Variants in DSCAM observed in about 807,000 individuals in gnomAD.
The protein encoded by DSCAM is DS cell adhesion molecule.
DSCAM carries 47 observed loss-of-function variants against 217.7 expected under a neutral mutation model. The observed-to-expected ratio is 0.22, with a 90% confidence interval of 0.17 to 0.28. DSCAM has a LOEUF of 0.28. Ranked by LOEUF, DSCAM falls within the 10% of genes least tolerant of loss-of-function variation. DSCAM has a pLI of 1.00. For missense variants in DSCAM, 2,080 were observed against 2,618.3 expected (o/e 0.79, Z 4.49); for synonymous variants, 1,056 against 1,015.3 (o/e 1.04, Z -0.76).
intron 11 of DSCAM, among the ~76,000 whole-genome samples, chr21:40,196,359 C>T (rs981858941): frequency 7.2e-5 from 11 of 152,168 alleles, no homozygotes; most frequent in African/African-American, 2.7e-4. Flanking sequence ...ATCACGGGCT[C>T]TCAACCTGGC....
chr21:40,584,662 C>T (rs1438625329), intron 3 of DSCAM, among the ~76,000 whole-genome samples: 1 of 152,134 alleles, frequency 6.6e-6, no homozygotes, highest in African/African-American at 2.4e-5. Flanking sequence ...TGGCAGCTCC[C>T]TGGAAGCCCT....
chr21:40,392,624 G>A (rs2075144120), intron 3 of DSCAM, among the ~76,000 whole-genome samples: 1 of 152,186 alleles, frequency 6.6e-6, no homozygotes, highest in South Asian at 2.1e-4. Flanking sequence ...AATGTGTTAT[G>A]TATCTCAGAC....
intron 18 of DSCAM, among the ~76,000 whole-genome samples, chr21:40,140,809 T>C (rs1394884845): frequency 6.6e-6 from 1 of 152,144 alleles, no homozygotes; most frequent in Non-Finnish European, 1.5e-5. Context: ...CTGTATTCAT[T>C]AGCATCTCCC....
intron 3 of DSCAM, among the ~76,000 whole-genome samples, chr21:40,560,456 T>C (rs2076711635): frequency 6.6e-6 from 1 of 152,182 alleles, no homozygotes; most frequent in Non-Finnish European, 1.5e-5. Context: ...AGAACCCTGA[T>C]GCCGATGTCC....
In DSCAM at chr21:40,744,092, T is replaced by C. The variant is rs79416154; in HGVS notation, c.44-35321A>G. ...CTTGTATAATGCCACTCACAGAGAATTGACACAGACTCATGGTTTCTAAGG... is the reference window on the plus strand; with the variant it reads ...CTTGTATAATGCCACTCACAGAGAACTGACACAGACTCATGGTTTCTAAGG... On this transcript the variant is annotated intron_variant, in intron 1 of 32. Coordinates refer to ENST00000400454, the MANE Select transcript of DSCAM (RefSeq NM_001389.5). 2.9e-4 allele frequency among the ~76,000 whole-genome samples: 44 copies of C among 152,262 alleles called. No individual in the cohort carries two copies. The East Asian group carries it at 7.9e-3, about 27-fold the overall frequency.
chr21:40,154,870 G>A (rs1459615842), intron 16 of DSCAM, among the ~76,000 whole-genome samples: 1 of 152,236 alleles, frequency 6.6e-6, no homozygotes, highest in Admixed American at 6.5e-5. Flanking sequence ...GCAGGCTGCA[G>A]CTGCCATATT....
At chr21:40,348,095 C>A in intron 5 of DSCAM, 150 bp from the exon 6 acceptor site, 2 of 604,166 alleles carry the variant, frequency 3.3e-6, no homozygotes, top group South Asian at 4.0e-5. Context: ...TCATACTCCA[C>A]ACAGTTCCCA....
intron 3 of DSCAM, among the ~76,000 whole-genome samples, chr21:40,637,402 T>TATAAATATAA (rs2089797087): frequency 5.9e-5 from 1 of 16,950 alleles, no homozygotes; most frequent in African/African-American, 2.3e-4. Context: ...TATAAATATA[T>TATAAATATAA]ATAAATATAA....
rs2090068747 is a variant in DSCAM at position 40,124,202 on chromosome 21, TA to T, written c.3688del (p.Tyr1230IlefsTer4). 6.2e-7 allele frequency: 1 copy of T among 1,613,640 alleles called. No individual in the cohort carries two copies. ...RKYTVFCSHP[Y>X]PTVISEFEAS... The stretch of plus-strand genomic sequence containing the variant: ...GGTTATTTACCAACTTACTGTGGGA[TA>T]GGGGTGGGAGCAGAATACAGTGTAC... On this transcript the variant is annotated frameshift_variant, in exon 20 of 33. Transcript: ENST00000400454. LOFTEE classifies it high-confidence loss of function.
chr21:40,575,037 G>A (rs1348169679), intron 3 of DSCAM, among the ~76,000 whole-genome samples: 1 of 152,158 alleles, frequency 6.6e-6, no homozygotes, highest in African/African-American at 2.4e-5. Context: ...ATGTCCTGAA[G>A]TTACTGAAGA....
intron 3 of DSCAM, among the ~76,000 whole-genome samples, chr21:40,691,849 G>A (rs1367175824): frequency 2.0e-5 from 3 of 152,198 alleles, no homozygotes; most frequent in East Asian, 1.9e-4. Context: ...TGGTGGTGGT[G>A]TACAGTAACC....
At chr21:40,677,469 G>A (rs2090353479) in intron 3 of DSCAM, among the ~76,000 whole-genome samples, 1 of 152,130 alleles carries the variant, frequency 6.6e-6, no homozygotes, top group Non-Finnish European at 1.5e-5. Flanking sequence ...GACTGTTGCA[G>A]CTTTCGATAC....
At chr21:40,122,558 C>A (rs901639087) in intron 20 of DSCAM, among the ~76,000 whole-genome samples, 2 of 152,136 alleles carry the variant, frequency 1.3e-5, no homozygotes, top group East Asian at 3.8e-4. Context: ...AAAGCAGAAG[C>A]CACCCTGGGC....
rs192911749 is a variant in DSCAM, at chr21:40,111,180, C to T, written c.3696+13015G>A. On this transcript the variant is annotated intron_variant, in intron 20 of 32. Coordinates refer to ENST00000400454, the MANE Select transcript of DSCAM (RefSeq NM_001389.5). ...CAGCCAGAGAGAAAGGTTGGGTTAC[C>T]CACAAAGGAAAGCCTATCAGACTAA... Among the ~76,000 whole-genome samples the T allele has an allele frequency of 2.2e-3, 338 of 152,212 alleles. 5 individuals carry two copies. The highest frequency in any genetic ancestry group is 1.7e-3 in the Non-Finnish European group (113 of 67,996).
In DSCAM at chr21:40,792,109, C is replaced by T. The variant is rs557200287; in HGVS notation, c.43+54510G>A. On this transcript the variant is annotated intron_variant, in intron 1 of 32. Transcript: ENST00000400454. ...TTCACATGGCCATCCCTCTTTGTGT[C>T]CCGGTGTCCTAATCTCTTCTTCTTC... is the stretch of plus-strand genomic sequence containing the variant. 3.3e-4 allele frequency among the ~76,000 whole-genome samples: 50 copies of T among 150,028 alleles called. 4 individuals carry two copies. The South Asian group carries it at 0.01, about 31-fold the overall frequency.
chr21:40,765,701 C>T lies in DSCAM; in HGVS notation c.44-56930G>A, dbSNP rs373271837. Among the ~76,000 whole-genome samples the T allele has an allele frequency of 6.8e-4, 103 of 152,256 alleles. 1 individual carries two copies. The highest frequency in any genetic ancestry group is 6.8e-3 in the Middle Eastern group (2 of 292). Reference sequence around the variant, plus strand: ...CCTCCAGAAAAAATTAGTTCAGGGACATTTTGCTAGTAAGAGGCCAATTAT... The same window carrying T: ...CCTCCAGAAAAAATTAGTTCAGGGATATTTTGCTAGTAAGAGGCCAATTAT... On this transcript the variant is annotated intron_variant, in intron 1 of 32. Coordinates refer to ENST00000400454, the MANE Select transcript of DSCAM (RefSeq NM_001389.5).
chr21:40,331,434 G>A (rs531925640), intron 8 of DSCAM, among the ~76,000 whole-genome samples: 1 of 152,158 alleles, frequency 6.6e-6, no homozygotes, highest in African/African-American at 2.4e-5. Context: ...CACACTCACA[G>A]CATTATTTTT....
intron 11 of DSCAM, among the ~76,000 whole-genome samples, chr21:40,247,296 A>G (rs1223971235): frequency 6.6e-6 from 1 of 152,154 alleles, no homozygotes; most frequent in Non-Finnish European, 1.5e-5. Context: ...ACAGTCCCCC[A>G]AAGTCTTAAC....
At chr21:40,215,953 A>G (rs1432597811) in intron 11 of DSCAM, among the ~76,000 whole-genome samples, 1 of 152,096 alleles carries the variant, frequency 6.6e-6, no homozygotes, top group Non-Finnish European at 1.5e-5. Flanking sequence ...AAAAAAAAAA[A>G]AACAACTTTG....
Sources: gnomAD v4.1 joint callset for allele counts (sites outside exome capture counted in the v4.1 genomes callset) on GRCh38, gnomAD v4.1.1 for gene constraint, MANE v1.5 for transcripts, NCBI Gene and HGNC (gene_info 2026-07-23, HGNC 2026-07-21) for gene names.